SMG1: variants seen among roughly 807,000 people sequenced by gnomAD.
SMG1 encodes SMG1 nonsense mediated mRNA decay associated PI3K related kinase.
A neutral mutation model predicts 419.9 loss-of-function variants in SMG1; 22 were observed. That is an observed-to-expected ratio of 0.05 (90% CI 0.04 to 0.07). SMG1 has a LOEUF of 0.07. SMG1 is among the 10% of genes least tolerant of loss of function. The probability of loss-of-function intolerance (pLI) is 1.00; values close to 1 mark genes in which losing one functional copy is unlikely to be tolerated. For missense variants in SMG1, 3,185 were observed against 4,342.0 expected (o/e 0.73, Z 7.49); for synonymous variants, 1,538 against 1,553.5 (o/e 0.99, Z 0.23).
chr16:18,899,344 C>CA (rs1000606593), intron 1 of SMG1, among the ~76,000 whole-genome samples: 6 of 151,062 alleles, frequency 4.0e-5, no homozygotes, highest in East Asian at 1.9e-4. Flanking sequence ...ATTTTTTTCC[C>CA]AAAAAAAATT....
chr16:18,898,488 T>A (rs1222767334), intron 1 of SMG1, among the ~76,000 whole-genome samples: 1 of 152,178 alleles, frequency 6.6e-6, no homozygotes, highest in African/African-American at 2.4e-5. Context: ...GGACCATAAC[T>A]TTTTTAAACT....
intron 1 of SMG1, among the ~76,000 whole-genome samples, chr16:18,920,281 C>G (rs1864326151): frequency 6.6e-6 from 1 of 151,216 alleles, no homozygotes; most frequent in African/African-American, 2.4e-5. Context: ...ACTTAGGAGG[C>G]TGAGACAGGA....
At chr16:18,866,452 GCTAA>G (rs2035512158) in intron 23 of SMG1, 165 bp downstream of exon 23, 2 of 667,450 alleles carry the variant, frequency 3.0e-6, no homozygotes, top group South Asian at 3.6e-5. Context: ...AAGTATTGCT[GCTAA>G]CTAAAGAACA....
intron 55 of SMG1, among the ~76,000 whole-genome samples, chr16:18,827,712 T>C (rs1793988668): frequency 6.9e-6 from 1 of 144,918 alleles, no homozygotes; most frequent in Admixed American, 7.0e-5. Context: ...ATTTTATATA[T>C]ATATTTGGTA....
At position 18,841,809 on chromosome 16, in the gene SMG1, T is replaced by G. The variant is rs1415771118; in HGVS notation, c.6467-15A>C. On this transcript the variant is annotated splice_polypyrimidine_tract_variant and intron_variant, in intron 40 of 62. Coordinates refer to ENST00000446231, the MANE Select transcript of SMG1 (RefSeq NM_015092.5). ...ATCCTCCAGTCCTATGAAAACAAAATTAAAATAGCTAGGATAGGTGATTAA... is the reference window on the plus strand; with the variant it reads ...ATCCTCCAGTCCTATGAAAACAAAAGTAAAATAGCTAGGATAGGTGATTAA... 2 of 1,603,756 alleles carry G rather than the reference T, an allele frequency of 1.2e-6. No homozygotes were observed. Among genetic ancestry groups the G allele is most frequent in the Non-Finnish European group, 1.7e-6 (2 of 1,170,730 alleles).
intron 56 of SMG1, among the ~76,000 whole-genome samples, chr16:18,818,818 C>CT (rs35000007): frequency 0.45 from 58,781 of 131,562 alleles, 14,117 homozygotes; most frequent in Middle Eastern, 0.56. Flanking sequence ...GCACAAGGTC[C>CT]TTTTTTTTTT....
intron 1 of SMG1, among the ~76,000 whole-genome samples, chr16:18,911,931 AT>A (rs2037808406): frequency 6.6e-6 from 1 of 151,940 alleles, no homozygotes; most frequent in Admixed American, 6.6e-5. Context: ...AAATACAAAA[AT>A]TAGCCAGGCG....
chr16:18,877,758 T>TA, intron 11 of SMG1: 1 of 153,150 alleles, frequency 6.5e-6, no homozygotes, highest in South Asian at 2.0e-4. Context: ...TTTAGAAAAA[T>TA]ATATCTAAGC....
At chr16:18,904,399 C>T (rs530254741) in intron 1 of SMG1, among the ~76,000 whole-genome samples, 61 of 150,858 alleles carry the variant, frequency 4.0e-4, no homozygotes, top group African/African-American at 1.4e-3. Context: ...CTTTGGGAAG[C>T]GAAGGCAGGC....
Position 18,888,440 on chromosome 16 carries a change from CA to C in SMG1, c.822+931del, listed in dbSNP as rs532295201. ...AAATCATTCTGGTCCTAAGCAATCTCAAAAAAACATTTCTAAAAACCAAAGA... is the reference window on the plus strand; with the variant it reads ...AAATCATTCTGGTCCTAAGCAATCTCAAAAAACATTTCTAAAAACCAAAGA... On this transcript the variant is annotated intron_variant, in intron 6 of 62. Coordinates refer to ENST00000446231, the MANE Select transcript of SMG1 (RefSeq NM_015092.5). 1.5e-3 allele frequency among the ~76,000 whole-genome samples: 216 copies of C among 148,708 alleles called. 3 individuals are homozygous for C. Among genetic ancestry groups the C allele is most frequent in the Middle Eastern group, 0.014 (4 of 294 alleles).
intron 1 of SMG1, among the ~76,000 whole-genome samples, chr16:18,907,084 G>C (rs978434106): frequency 1.4e-4 from 22 of 152,106 alleles, no homozygotes; most frequent in African/African-American, 4.6e-4. Context: ...AGGAGTTCAA[G>C]ATCCGCCTGG....
intron 33 of SMG1, among the ~76,000 whole-genome samples, chr16:18,851,285 G>A (rs2034575125): frequency 6.6e-6 from 1 of 152,208 alleles, no homozygotes; most frequent in African/African-American, 2.4e-5. Context: ...TATTGCTTTG[G>A]CATTCTAGAA....
In SMG1 at chr16:18,847,584, C is replaced by T. The variant is rs1158259517; in HGVS notation, c.5865G>A (p.Leu1955=). 1.2e-6 allele frequency: 2 copies of T among 1,614,006 alleles called. No individual in the cohort carries two copies. The change falls in exon 38 of 63, where the codon CTG becomes CTA. Residue 1955 remains leucine (L), a synonymous_variant. Coordinates refer to ENST00000446231, the MANE Select transcript of SMG1 (RefSeq NM_015092.5). ...CATCCCAGAGCACAGTGACCCTGCG[C>T]AGTTCAGCCACGAGCATCTGAACCT... is the stretch of plus-strand genomic sequence containing the variant. ...VLQVQMLVAE[L]RRVTVLWDEL... is the part of the protein sequence containing the mutation.
At chr16:18,872,655 G>C in intron 13 of SMG1, 31 bp from the exon 14 acceptor site, 1 of 1,342,386 alleles carries the variant, frequency 7.4e-7, no homozygotes, top group Non-Finnish European at 1.0e-6. Context: ...GTAAGTTTAT[G>C]GCTTCTCCAA....
At chr16:18,878,045 C>T (rs2036218124) in intron 11 of SMG1, 1 of 152,026 alleles carries the variant, frequency 6.6e-6, no homozygotes, top group South Asian at 2.1e-4. Context: ...TACTATGCTC[C>T]CTATTTTTAT....
At chr16:18,864,271 A>G (rs960516460) in intron 23 of SMG1, 127 bp from the exon 24 acceptor site, 23 of 772,296 alleles carry the variant, frequency 3.0e-5, no homozygotes, top group Non-Finnish European at 4.1e-5. Flanking sequence ...TCTCAGCTCA[A>G]TGCAACCTCT....
chr16:18,843,260 T>C (rs1028240808), intron 39 of SMG1, among the ~76,000 whole-genome samples: 2 of 152,186 alleles, frequency 1.3e-5, no homozygotes, highest in African/African-American at 4.8e-5. Context: ...GTAGAGGAAA[T>C]TTGGTGGATC....
At chr16:18,894,511 A>G (rs762592259) in intron 3 of SMG1, among the ~76,000 whole-genome samples, 7 of 152,300 alleles carry the variant, frequency 4.6e-5, no homozygotes, top group South Asian at 4.1e-4. Context: ...CTATAATATC[A>G]TAAGTCTCAG....
rs980344455 is a variant in SMG1, at chr16:18,848,093, G to A, written c.5624-60C>T. On this transcript the variant is annotated intron_variant, in intron 36 of 62. Transcript: ENST00000446231. ...ACATTTCTCCCATGTGCATATGCTA[G>A]GTTAGGGAAAACACTGATAATCTAT... 129 of 1,412,804 alleles carry A rather than the reference G, an allele frequency of 9.1e-5. 1 individual carries two copies. The highest frequency in any genetic ancestry group is 4.2e-4 in the Admixed American group (24 of 57,698). The allele number at this position is 1,412,804 out of a possible 1,614,324, so 87.5% of individuals were successfully genotyped here. A position where few individuals can be genotyped will look rare whatever the true frequency, so the allele number is the denominator to read the frequency against.
Sources: allele counts gnomAD v4.1 joint callset (sites outside exome capture counted in the v4.1 genomes callset), GRCh38; gene constraint gnomAD v4.1.1; transcripts MANE v1.5; gene names NCBI Gene and HGNC (gene_info 2026-07-23, HGNC 2026-07-21).